Variants in GRID2 observed in about 807,000 individuals in gnomAD.
GRID2 encodes glutamate ionotropic receptor delta type subunit 2, also known as glutamate receptor ionotropic, delta-2.
In GRID2, 33 loss-of-function variants were observed where a neutral mutation model predicts 114.8. That is an observed-to-expected ratio of 0.29 (90% confidence interval 0.22 to 0.38). The LOEUF (loss-of-function observed/expected upper bound fraction) is 0.38, where lower values mean the gene tolerates loss of function less well. Among genes scored for constraint, GRID2 ranks in the 10% least tolerant of loss-of-function variants. GRID2 has a pLI of 1.00. For synonymous variants in GRID2, 505 were observed against 449.9 expected, an observed-to-expected ratio of 1.12 and a Z score of -1.55; for missense variants, 1,184 against 1,257.7, an observed-to-expected ratio of 0.94 and a Z score of 0.89.
intron 13 of GRID2, among the ~76,000 whole-genome samples, chr4:93,586,115 A>G (rs1180280033): frequency 1.3e-5 from 2 of 151,990 alleles, no homozygotes; most frequent in Non-Finnish European, 2.9e-5. Context: ...TGACTACTTA[A>G]ACTACTTGAG....
chr4:93,615,622 A>G (rs1331798126), intron 13 of GRID2, among the ~76,000 whole-genome samples: 1 of 150,728 alleles, frequency 6.6e-6, no homozygotes, highest in Non-Finnish European at 1.5e-5. Flanking sequence ...TGTGCTAATA[A>G]TAAAAGGCCT....
At chr4:93,515,497 T>C in intron 13 of GRID2, 86 bp downstream of exon 13, 1 of 868,372 alleles carries the variant, frequency 1.2e-6, no homozygotes, top group Non-Finnish European at 1.8e-6. Flanking sequence ...TTTTTTTGTT[T>C]TGTTTTTTGT....
intron 8 of GRID2, among the ~76,000 whole-genome samples, chr4:93,331,168 C>T (rs574073641): frequency 7.0e-6 from 1 of 141,912 alleles, no homozygotes; most frequent in African/African-American, 2.6e-5. Flanking sequence ...GTATTATATC[C>T]TCTGCTTCCC....
intron 8 of GRID2, among the ~76,000 whole-genome samples, chr4:93,324,497 CT>C (rs966848190): frequency 1.3e-5 from 2 of 152,074 alleles, no homozygotes; most frequent in African/African-American, 2.4e-5. Context: ...CTAAAAGTCT[CT>C]TTTTTTGTTG....
intron 2 of GRID2, among the ~76,000 whole-genome samples, chr4:92,708,759 T>C (rs771446721): frequency 1.3e-5 from 2 of 152,166 alleles, no homozygotes; most frequent in Non-Finnish European, 1.5e-5. Flanking sequence ...AAATCCCGTT[T>C]CTACTAAACG....
intron 1 of GRID2, among the ~76,000 whole-genome samples, chr4:92,468,543 T>C (rs573590949): frequency 6.6e-6 from 1 of 152,202 alleles, no homozygotes; most frequent in Non-Finnish European, 1.5e-5. Context: ...TAAACACTTA[T>C]TTAAACAAAG....
chr4:93,456,825 C>T (rs1297235996), intron 11 of GRID2, among the ~76,000 whole-genome samples: 1 of 152,104 alleles, frequency 6.6e-6, no homozygotes, highest in Admixed American at 6.5e-5. Context: ...TTCCATTTAA[C>T]TTCATTTTTC....
intron 4 of GRID2, among the ~76,000 whole-genome samples, chr4:93,179,161 T>C (rs1273314457): frequency 6.6e-6 from 1 of 152,162 alleles, no homozygotes. Flanking sequence ...AATCTTTTGT[T>C]CAATCTGAAA....
At chr4:93,146,945 A>T (rs2149392655) in intron 4 of GRID2, among the ~76,000 whole-genome samples, 1 of 152,298 alleles carries the variant, frequency 6.6e-6, no homozygotes, top group Non-Finnish European at 1.5e-5. Context: ...TTATTCTTAC[A>T]TAATTTTCTA....
intron 1 of GRID2, among the ~76,000 whole-genome samples, chr4:92,505,514 A>G (rs75586594): frequency 0.018 from 2,664 of 152,084 alleles, 24 homozygotes; most frequent in South Asian, 0.028. Context: ...TGCACAGTCA[A>G]TGGTCATGAT....
Position 93,042,679 on chromosome 4 carries a change from CTATATATATATGCATATATATATGCA to C in GRID2, c.245-42305_245-42280del, listed in dbSNP as rs1255100471. Among the ~76,000 whole-genome samples, 6 of 136,936 alleles carry C rather than the reference CTATATATATATGCATATATATATGCA, an allele frequency of 4.4e-5. No homozygotes were observed. In the East Asian group the frequency reaches 1.3e-3, roughly 29 times the overall value. The allele number at this position is 136,936 out of a possible 152,430, so 89.8% of individuals were successfully genotyped here. A position where few individuals can be genotyped will look rare whatever the true frequency, so the allele number is the denominator to read the frequency against. ...TATTTCTATCTCTCTCTCTATATAT[CTATATATATATGCATATATATATGCA>C]TATATATATAGATATATAGAGAGAG... is the stretch of plus-strand genomic sequence containing the variant. On this transcript the variant is annotated intron_variant, in intron 2 of 15. Coordinates refer to ENST00000282020, the MANE Select transcript of GRID2 (RefSeq NM_001510.4).
At chr4:92,850,446 T>G (rs1578305896) in intron 2 of GRID2, among the ~76,000 whole-genome samples, 1 of 152,066 alleles carries the variant, frequency 6.6e-6, no homozygotes, top group African/African-American at 2.4e-5. Flanking sequence ...ATAAACAATT[T>G]ATTTTGGTAG....
intron 2 of GRID2, among the ~76,000 whole-genome samples, chr4:92,903,274 A>T (rs1388265056): frequency 6.6e-6 from 1 of 151,848 alleles, no homozygotes; most frequent in Non-Finnish European, 1.5e-5. Context: ...AATGAATAAA[A>T]TGAAGGCTGA....
intron 1 of GRID2, among the ~76,000 whole-genome samples, chr4:92,471,070 A>G (rs559898509): frequency 1.2e-4 from 19 of 152,014 alleles, no homozygotes; most frequent in Non-Finnish European, 2.4e-4. Context: ...GCCAATTCCA[A>G]GGAAATACAT....
intron 10 of GRID2, among the ~76,000 whole-genome samples, chr4:93,439,747 G>A (rs1721448595): frequency 6.6e-6 from 1 of 151,968 alleles, no homozygotes; most frequent in Non-Finnish European, 1.5e-5. Flanking sequence ...GGGAGGAGAG[G>A]GTTAACTTTG....
chr4:92,454,693 G>A (rs62312225), intron 1 of GRID2, among the ~76,000 whole-genome samples: 17,955 of 152,084 alleles, frequency 0.12, 1,124 homozygotes, highest in South Asian at 0.16. Context: ...AATATTAGCC[G>A]GGCGTGTTGG....
chr4:93,546,537 A>G (rs1252136996), intron 13 of GRID2, among the ~76,000 whole-genome samples: 3 of 152,206 alleles, frequency 2.0e-5, no homozygotes, highest in Non-Finnish European at 4.4e-5. Context: ...ATGGTGTACT[A>G]AAAAGTAACC....
At chr4:93,740,298 G>T (rs534023061) in intron 14 of GRID2, among the ~76,000 whole-genome samples, 1 of 152,220 alleles carries the variant, frequency 6.6e-6, no homozygotes, top group East Asian at 1.9e-4. Context: ...AAATTGCCTA[G>T]TGATGCATTT....
chr4:93,205,118 T>G (rs1742552979), intron 4 of GRID2, among the ~76,000 whole-genome samples: 1 of 152,160 alleles, frequency 6.6e-6, no homozygotes, highest in Non-Finnish European at 1.5e-5. Context: ...TGTTACTTTT[T>G]ATTGTTAATA....
Sources: allele counts gnomAD v4.1 joint callset (sites outside exome capture counted in the v4.1 genomes callset), GRCh38; gene constraint gnomAD v4.1.1; transcripts MANE v1.5; gene names NCBI Gene and HGNC (gene_info 2026-07-23, HGNC 2026-07-21).